Variants in ITFG2 observed in about 807,000 individuals in gnomAD.
The protein encoded by ITFG2 is integrin alpha FG-GAP repeat containing 2, also known as KICSTOR complex protein ITFG2.
A neutral mutation model predicts 54.4 loss-of-function variants in ITFG2; 36 were observed. The ratio of observed to expected loss-of-function variants is 0.66; its 90% confidence interval spans 0.51 to 0.87. The LOEUF is 0.87. Ranked by LOEUF, ITFG2 falls within the 40% of genes least tolerant of loss-of-function variation. The pLI is 0.00. For synonymous variants in ITFG2, 211 were observed against 225.4 expected, an observed-to-expected ratio of 0.94 and a Z score of 0.57; for missense variants, 524 against 576.7, an observed-to-expected ratio of 0.91 and a Z score of 0.94.
At chr12:2,853,462 G>A (rs546611002) in intron 2 of ITFG2, among the ~76,000 whole-genome samples, 48 of 152,034 alleles carry the variant, frequency 3.2e-4, no homozygotes, top group South Asian at 1.9e-3. Context: ...TAGTAGAGAC[G>A]GGGTTTCACC....
intron 1 of ITFG2, among the ~76,000 whole-genome samples, chr12:2,816,262 C>T (rs544992984): frequency 3.3e-5 from 5 of 151,796 alleles, no homozygotes; most frequent in Non-Finnish European, 7.4e-5. Context: ...AACTCCTGAC[C>T]TCATGTGATC....
At chr12:2,857,353 C>T (rs2098090806) in intron 2 of ITFG2, 1 of 411,294 alleles carries the variant, frequency 2.4e-6, no homozygotes, top group Non-Finnish European at 4.5e-6. Flanking sequence ...TGGGCCCTTC[C>T]TGCCCTAATG....
upstream of ITFG2, chr12:2,834,507 CCT>C: frequency 8.6e-6 from 11 of 1,282,642 alleles, no homozygotes; most frequent in South Asian, 1.7e-5. Context: ...GGCAGGATGA[CCT>C]CTCCCCATCT....
At chr12:2,855,854 C>T (rs1308805433) in intron 2 of ITFG2, among the ~76,000 whole-genome samples, 3 of 152,118 alleles carry the variant, frequency 2.0e-5, no homozygotes, top group African/African-American at 7.2e-5. Flanking sequence ...AGGGGGGCAG[C>T]CCACCTTCAC....
downstream of ITFG2, chr12:2,828,289 A>G (rs1421651882): frequency 1.3e-6 from 2 of 1,549,932 alleles, no homozygotes; most frequent in Non-Finnish European, 1.8e-6. Context: ...CACCCCAAAA[A>G]GAAACCCTGT....
chr12:2,821,816 A>G, intron 9 of ITFG2, 24 bp downstream of exon 9: 1 of 1,563,058 alleles, frequency 6.4e-7, no homozygotes, highest in East Asian at 2.2e-5. Context: ...CTGGCAGAGC[A>G]GAGCATTCCT....
downstream of ITFG2, chr12:2,825,795 C>T (rs1170697690): frequency 2.6e-5 from 4 of 152,316 alleles, no homozygotes; most frequent in East Asian, 1.9e-4. Flanking sequence ...CAGGGTCTCA[C>T]TCCTTCACCC....
upstream of ITFG2, among the ~76,000 whole-genome samples, chr12:2,833,927 C>T (rs973870715): frequency 6.6e-6 from 1 of 152,188 alleles, no homozygotes; most frequent in African/African-American, 2.4e-5. Flanking sequence ...TGATCCCAAG[C>T]GAAGTGGCTG....
chr12:2,827,410 C>T (rs906013973), downstream of ITFG2: 5 of 1,520,844 alleles, frequency 3.3e-6, no homozygotes, highest in African/African-American at 1.4e-5. The surrounding 1 kb of genome is among the most constrained non-coding windows in gnomAD (Gnocchi z 4.0). Context: ...GCCTTTTGCT[C>T]TTCCCCCATC....
chr12:2,852,999 C>CA (rs1219346453), intron 2 of ITFG2, among the ~76,000 whole-genome samples: 4 of 142,306 alleles, frequency 2.8e-5, no homozygotes, highest in East Asian at 2.1e-4. Context: ...GACTCTGCCT[C>CA]AAAAAAAAAG....
intron 6 of ITFG2, 55 bp from the exon 7 acceptor site, chr12:2,821,207 T>A (rs571390536): frequency 2.2e-6 from 3 of 1,386,792 alleles, no homozygotes; most frequent in Admixed American, 1.9e-5. Flanking sequence ...TACAAAGGGC[T>A]GGAGAGCTCA....
At chr12:2,823,711 GC>G (rs2097953936) in intron 10 of ITFG2, 58 bp from the exon 11 acceptor site, 2 of 1,501,872 alleles carry the variant, frequency 1.3e-6, no homozygotes, top group Non-Finnish European at 1.8e-6. Flanking sequence ...CTTGCTGTCT[GC>G]CCCCCACTGT....
intron 2 of ITFG2, among the ~76,000 whole-genome samples, chr12:2,846,497 G>T (rs2098053726): frequency 6.6e-6 from 1 of 152,094 alleles, no homozygotes; most frequent in East Asian, 1.9e-4. Context: ...CTCTCGCCAG[G>T]AGGCTGCCTG....
At chr12:2,859,076 G>A in intron 3 of ITFG2, 1 of 1,607,934 alleles carries the variant, frequency 6.2e-7, no homozygotes, top group South Asian at 1.1e-5. Context: ...CAGGGGTTCT[G>A]GGGAGGACAG....
At chr12:2,849,617 G>A (rs1603488269) in intron 2 of ITFG2, 1 of 1,403,780 alleles carries the variant, frequency 7.1e-7, no homozygotes. Context: ...TGATGCCGCT[G>A]TCCACAAGCT....
downstream of ITFG2, chr12:2,827,323 C>G: frequency 6.2e-7 from 1 of 1,602,968 alleles, no homozygotes; most frequent in South Asian, 1.1e-5. The surrounding 1 kb of genome is among the most constrained non-coding windows in gnomAD (Gnocchi z 4.0). Context: ...AGCAGTCATG[C>G]CAGGTCACCT....
downstream of ITFG2, among the ~76,000 whole-genome samples, chr12:2,829,014 AC>A (rs1175628031): frequency 6.6e-6 from 1 of 152,106 alleles, no homozygotes; most frequent in African/African-American, 2.4e-5. Context: ...AGCCTAGGCA[AC>A]ATAGCAAGAC....
chr12:2,834,087 G>A (rs2098016351), upstream of ITFG2, among the ~76,000 whole-genome samples: 1 of 152,222 alleles, frequency 6.6e-6, no homozygotes, highest in African/African-American at 2.4e-5. Flanking sequence ...AGAGGAGCCT[G>A]GAAGGTCCAT....
At chr12:2,853,445 G>A (rs1301817081) in intron 2 of ITFG2, among the ~76,000 whole-genome samples, 1 of 151,972 alleles carries the variant, frequency 6.6e-6, no homozygotes, top group Non-Finnish European at 1.5e-5. Flanking sequence ...GCTAATTTTT[G>A]TATTTTTAGT....
Sources: allele counts gnomAD v4.1 joint callset (sites outside exome capture counted in the v4.1 genomes callset), GRCh38; gene constraint gnomAD v4.1.1; non-coding constraint Gnocchi (gnomAD v3.1); transcripts MANE v1.5; gene names NCBI Gene and HGNC (gene_info 2026-07-23, HGNC 2026-07-21).